The following WDR5 variants were observed in gnomAD, a reference collection of about 807,000 sequenced individuals.
WDR5 encodes WD repeat-containing protein 5.
For missense variants in WDR5, 187 were observed against 416.9 expected (o/e 0.45, Z 4.80); for synonymous variants, 144 against 161.6 (o/e 0.89, Z 0.83).
chr9:134,153,177 G>A (rs1323333360), intron 9 of WDR5, among the ~76,000 whole-genome samples: 2 of 152,300 alleles, frequency 1.3e-5, no homozygotes, highest in South Asian at 2.1e-4. Context: ...TGTGTGCGCC[G>A]CTGTTGTGTG....
At chr9:134,147,132 T>G (rs1832249549) in intron 7 of WDR5, among the ~76,000 whole-genome samples, 1 of 152,258 alleles carries the variant, frequency 6.6e-6, no homozygotes, top group African/African-American at 2.4e-5. Context: ...TTAGATACAT[T>G]GGGTTACATG....
At chr9:134,150,479 ACT>A (rs967222568) in intron 8 of WDR5, among the ~76,000 whole-genome samples, 1 of 151,568 alleles carries the variant, frequency 6.6e-6, no homozygotes, top group East Asian at 1.9e-4. Context: ...ACATGCTGAA[ACT>A]CTTTCTATGA....
intron 7 of WDR5, among the ~76,000 whole-genome samples, chr9:134,145,988 A>G (rs1832177768): frequency 6.7e-6 from 1 of 148,598 alleles, no homozygotes; most frequent in Non-Finnish European, 1.5e-5. Context: ...ATTTTGAGAC[A>G]GAGTCTCACT....
chr9:134,141,498 G>C lies in WDR5; in HGVS notation c.191-12G>C. On this transcript the variant is annotated splice_polypyrimidine_tract_variant and intron_variant, in intron 3 of 13. Transcript: ENST00000358625. ...CCTGCTCTTAGCCTCAGATCCTTTT[G>C]TTTTCTTTCAGCTGCTGATAAACTT... The C allele has an allele frequency of 1.9e-6, 3 of 1,613,832 alleles. No individual in the cohort carries two copies. The highest frequency in any genetic ancestry group is 3.3e-4 in the Middle Eastern group (2 of 6,060).
At chr9:134,140,305 G>GA (rs1295445790) in intron 2 of WDR5, among the ~76,000 whole-genome samples, 1 of 152,178 alleles carries the variant, frequency 6.6e-6, no homozygotes, top group Non-Finnish European at 1.5e-5. Flanking sequence ...TTAGCAAAGG[G>GA]AGCAGGGCTT....
intron 2 of WDR5, 56 bp downstream of exon 2, chr9:134,140,014 C>T: frequency 1.9e-6 from 3 of 1,587,676 alleles, no homozygotes; most frequent in East Asian, 4.5e-5. Flanking sequence ...CTTAGAGAGT[C>T]TCGGAAACAT....
At chr9:134,139,635 G>A (rs117246474) in intron 1 of WDR5, among the ~76,000 whole-genome samples, 185 bp from the exon 2 acceptor site, 4,557 of 152,234 alleles carry the variant, frequency 0.03, 99 homozygotes, top group Non-Finnish European at 0.047. Context: ...GGGTGTCAGC[G>A]GAGCAGCTGG....
chr9:134,156,773 T>C (rs28565058), intron 13 of WDR5, among the ~76,000 whole-genome samples, 180 bp downstream of exon 13: 11,695 of 152,266 alleles, frequency 0.077, 925 homozygotes, highest in African/African-American at 0.2. Flanking sequence ...CTGGTCACTG[T>C]GCTGCCGACT....
At chr9:134,145,140 C>T (rs1391755072) in intron 7 of WDR5, among the ~76,000 whole-genome samples, 1 of 129,544 alleles carries the variant, frequency 7.7e-6, no homozygotes, top group Non-Finnish European at 1.6e-5. Flanking sequence ...ACTCTGTTGC[C>T]CAGGCTGGAG....
chr9:134,156,857 G>A (rs1003570706), intron 13 of WDR5, among the ~76,000 whole-genome samples: 4 of 152,234 alleles, frequency 2.6e-5, no homozygotes, highest in African/African-American at 9.6e-5. Flanking sequence ...GGTGTGTGTG[G>A]CTGTGGGACT....
At chr9:134,147,830 G>A (rs1167157073) in intron 7 of WDR5, among the ~76,000 whole-genome samples, 1 of 151,918 alleles carries the variant, frequency 6.6e-6, no homozygotes, top group Non-Finnish European at 1.5e-5. Flanking sequence ...GACCAGCCTG[G>A]GCAAGATAGG....
In WDR5 at chr9:134,157,838, G is replaced by A. The variant is rs1199444206; in HGVS notation, c.905-55G>A. 7.7e-6 allele frequency: 12 copies of A among 1,561,518 alleles called. No individual in the cohort carries two copies. The highest frequency in any genetic ancestry group is 9.7e-6 in the Non-Finnish European group (11 of 1,134,144). ...AAGGTGGAGCTCAGTCTGGGATGGCGTCCCCGACCCAGGCGCAGGGATGGC... is the reference window on the plus strand; with the variant it reads ...AAGGTGGAGCTCAGTCTGGGATGGCATCCCCGACCCAGGCGCAGGGATGGC... On this transcript the variant is annotated intron_variant, in intron 13 of 13. Coordinates refer to ENST00000358625, the MANE Select transcript of WDR5 (RefSeq NM_017588.3). This position sits in a 1 kb window ranked among gnomAD's most constrained non-coding sequence, Gnocchi z 5.0.
chr9:134,148,383 T>C (rs772344820), intron 8 of WDR5, 40 bp downstream of exon 8: 2 of 1,564,216 alleles, frequency 1.3e-6, no homozygotes, highest in East Asian at 4.5e-5. Flanking sequence ...GATGAGTGCT[T>C]AACTAAGGGC....
At chr9:134,151,914 T>C (rs961086000) in intron 8 of WDR5, 69 bp from the exon 9 acceptor site, 75 of 1,517,546 alleles carry the variant, frequency 4.9e-5, no homozygotes, top group Non-Finnish European at 6.5e-5. Context: ...AATTTATATC[T>C]GACTCCCAGC....
At chr9:134,152,847 T>C (rs28538491) in intron 9 of WDR5, among the ~76,000 whole-genome samples, 11,859 of 152,266 alleles carry the variant, frequency 0.078, 954 homozygotes, top group African/African-American at 0.21. Context: ...TGGTCAGGAT[T>C]GAGGAGGCCT....
rs1025045115 is a variant in WDR5, at chr9:134,158,140, C to T, written c.*147C>T. 1.2e-5 allele frequency: 8 copies of T among 686,038 alleles called. No homozygotes were observed. The highest frequency in any genetic ancestry group is 7.4e-6 in the Non-Finnish European group (3 of 406,274). 42.5% of individuals were successfully genotyped at this position (686,038 alleles called of 1,614,324 possible). ...GCCTCCTCTCTGAAGATGATTTGGC[C>T]GAGCGGAAGGTGTGGACCACCGGAA... On this transcript the variant is annotated 3_prime_UTR_variant, in exon 14 of 14. Transcript: ENST00000358625.
At chr9:134,141,689 C>T in intron 4 of WDR5, 106 bp downstream of exon 4, 2 of 1,250,026 alleles carry the variant, frequency 1.6e-6, no homozygotes, top group South Asian at 2.7e-5. Flanking sequence ...TTTAAGTTTT[C>T]CCCGTTTTTT....
chr9:134,145,098 T>TTTTTGTTTTTTC (rs1401305757), intron 7 of WDR5, among the ~76,000 whole-genome samples: 1 of 111,136 alleles, frequency 9.0e-6, no homozygotes. Context: ...GGGGCTTTGT[T>TTTTTGTTTTTTC]TTTTTTTTTT....
At chr9:134,149,772 A>G (rs559280738) in intron 8 of WDR5, among the ~76,000 whole-genome samples, 1 of 152,356 alleles carries the variant, frequency 6.6e-6, no homozygotes, top group South Asian at 2.1e-4. Flanking sequence ...CCCATAATGG[A>G]AAAAGCAAAA....
Sources: allele counts gnomAD v4.1 joint callset (sites outside exome capture counted in the v4.1 genomes callset), GRCh38; gene constraint gnomAD v4.1.1; non-coding constraint Gnocchi (gnomAD v3.1); transcripts MANE v1.5; gene names NCBI Gene and HGNC (gene_info 2026-07-23, HGNC 2026-07-21).